MYO16: variants seen among roughly 807,000 people sequenced by gnomAD.
The protein encoded by MYO16 is myosin XVI.
A neutral mutation model predicts 205.3 loss-of-function variants in MYO16; 94 were observed. The ratio of observed to expected loss-of-function variants is 0.46; its 90% confidence interval spans 0.39 to 0.54. The LOEUF is 0.54. Among genes scored for constraint, MYO16 ranks in the 20% least tolerant of loss-of-function variants. The pLI, the probability that MYO16 is intolerant of heterozygous loss-of-function variation, is 0.00. For synonymous variants in MYO16, 988 were observed against 954.0 expected, an observed-to-expected ratio of 1.04 and a Z score of -0.66; for missense variants, 2,315 against 2,387.5, an observed-to-expected ratio of 0.97 and a Z score of 0.63.
intron 7 of MYO16, among the ~76,000 whole-genome samples, chr13:108,811,259 T>A (rs2138993850): frequency 6.6e-6 from 1 of 152,292 alleles, no homozygotes; most frequent in East Asian, 1.9e-4. Context: ...TAAGCTATAT[T>A]CAGAACTTTA....
At chr13:108,814,185 T>A (rs1269836216) in intron 7 of MYO16, among the ~76,000 whole-genome samples, 1 of 152,172 alleles carries the variant, frequency 6.6e-6, no homozygotes, top group Non-Finnish European at 1.5e-5. Context: ...TGGAGTTCTA[T>A]AAACAGCAAA....
intron 1 of MYO16, among the ~76,000 whole-genome samples, chr13:108,605,004 A>G (rs557275666): frequency 3.9e-5 from 6 of 152,306 alleles, no homozygotes; most frequent in South Asian, 2.1e-4. Flanking sequence ...ATGTGTAAAC[A>G]TTTCTACTTT....
chr13:109,181,914 G>A lies in MYO16; in HGVS notation c.5415+2281G>A, dbSNP rs544499722. 2.7e-3 allele frequency among the ~76,000 whole-genome samples: 393 copies of A among 148,190 alleles called. 2 individuals carry two copies. The highest frequency in any genetic ancestry group is 9.0e-3 in the African/African-American group (359 of 39,884). On this transcript the variant is annotated intron_variant, in intron 34 of 34. Transcript: ENST00000457511. The stretch of plus-strand genomic sequence containing the variant: ...CAGCTCACTGCAACCTCCACCTCCC[G>A]GTTCAAGTGATTCTCCTATCTCAGC...
At chr13:108,727,656 A>C in intron 4 of MYO16, 73 bp downstream of exon 4, 1 of 1,488,672 alleles carries the variant, frequency 6.7e-7, no homozygotes. Flanking sequence ...AACTAATGCT[A>C]TTTTACAATA....
At chr13:108,759,739 T>A (rs534303306) in intron 4 of MYO16, among the ~76,000 whole-genome samples, 102 of 150,334 alleles carry the variant, frequency 6.8e-4, no homozygotes, top group African/African-American at 2.5e-3. Context: ...GAGAATGGCG[T>A]GAACCCAGGA....
In MYO16 at chr13:108,997,105, A is replaced by G. The variant is rs540675464; in HGVS notation, c.2442+4657A>G. Among the ~76,000 whole-genome samples the G allele has an allele frequency of 4.6e-5, 7 of 152,216 alleles. No individual in the cohort carries two copies. In the South Asian group the frequency reaches 1.5e-3, roughly 32 times the overall value. The stretch of plus-strand genomic sequence containing the variant: ...CAGGAGTTTGAGACCAGCCTGGCCA[A>G]CATGGTGAAACCCTGTCTCCACTAA... On this transcript the variant is annotated intron_variant, in intron 21 of 34. Transcript: ENST00000457511.
At chr13:108,756,784 T>C (rs1041739502) in intron 4 of MYO16, among the ~76,000 whole-genome samples, 2 of 152,172 alleles carry the variant, frequency 1.3e-5, no homozygotes, top group Non-Finnish European at 2.9e-5. Flanking sequence ...ATTACTCTCA[T>C]AGACACAACC....
At chr13:108,830,764 A>G (rs2139040167) in intron 9 of MYO16, among the ~76,000 whole-genome samples, 1 of 152,322 alleles carries the variant, frequency 6.6e-6, no homozygotes, top group African/African-American at 2.4e-5. Context: ...GTATAATAAT[A>G]AAACGTCAGA....
intron 2 of MYO16, among the ~76,000 whole-genome samples, chr13:108,690,778 A>C (rs7996914): frequency 0.83 from 125,622 of 151,988 alleles, 52,192 homozygotes; most frequent in East Asian, 0.98. Context: ...AAGTATAAGA[A>C]TTTTCTTGTA....
At chr13:108,823,032 C>A (rs772289548) in intron 8 of MYO16, 93 bp from the exon 9 acceptor site, 26 of 1,188,312 alleles carry the variant, frequency 2.2e-5, no homozygotes, top group Non-Finnish European at 2.8e-5. Flanking sequence ...AAATTTTTAG[C>A]ATTTTAAGCA....
At position 109,048,468 on chromosome 13, in the gene MYO16, C is replaced by T. The variant is rs1887124885; in HGVS notation, c.2872+1477C>T. ...TTTTAGACCTTGTGCACCATAAGAT[C>T]CTTGTTGCAGTTACTCACCTCTGCT... On this transcript the variant is annotated intron_variant, in intron 24 of 34. Transcript: ENST00000457511. The T allele has an allele frequency of 1.3e-5, 7 of 550,104 alleles. No individual in the cohort carries two copies. In the South Asian group the frequency reaches 2.1e-4, roughly 16 times the overall value. 34.1% of individuals were successfully genotyped at this position (550,104 alleles called of 1,614,324 possible).
At chr13:108,921,746 A>C (rs1881754015) in intron 16 of MYO16, among the ~76,000 whole-genome samples, 1 of 152,206 alleles carries the variant, frequency 6.6e-6, no homozygotes. Flanking sequence ...TAAAAGCAGC[A>C]GGCTTATTAG....
At chr13:109,205,186 T>C (rs544808850) in intron 34 of MYO16, among the ~76,000 whole-genome samples, 3 of 152,350 alleles carry the variant, frequency 2.0e-5, no homozygotes, top group African/African-American at 7.2e-5. Flanking sequence ...TGGTTGTCTG[T>C]AAATTCAACT....
chr13:108,964,122 A>G (rs1047862398), intron 19 of MYO16, among the ~76,000 whole-genome samples: 12 of 152,202 alleles, frequency 7.9e-5, no homozygotes, highest in African/African-American at 2.4e-4. Flanking sequence ...GCCATAGAAT[A>G]TGAATTCTAG....
the MYO16 span, among the ~76,000 whole-genome samples, chr13:108,524,652 C>T: frequency 2.0e-5 from 3 of 152,188 alleles, no homozygotes; most frequent in African/African-American, 7.2e-5. Context: ...CCATGATCCT[C>T]TTTGAAACAC....
chr13:109,037,533 A>C (rs143804105), intron 23 of MYO16, among the ~76,000 whole-genome samples: 6 of 152,326 alleles, frequency 3.9e-5, no homozygotes, highest in African/African-American at 1.4e-4. Flanking sequence ...AAAACTCTGG[A>C]AAACGGCAAA....
At position 108,753,383 on chromosome 13, in the gene MYO16, A is replaced by AAAAAAAAAAAAAC. The variant is rs1555344224; in HGVS notation, c.507+25803_507+25815dup. Among the ~76,000 whole-genome samples the AAAAAAAAAAAAAC allele has an allele frequency of 7.7e-3, 1,131 of 147,298 alleles. 11 individuals are homozygous for AAAAAAAAAAAAAC. Among genetic ancestry groups the AAAAAAAAAAAAAC allele is most frequent in the African/African-American group, 0.029 (1,073 of 37,278 alleles). The stretch of plus-strand genomic sequence containing the variant: ...AAAACTCTGTGACAAAAAAAAAAAA[A>AAAAAAAAAAAAAC]AAAAAAAAAAAACAATAAAATATAA... On this transcript the variant is annotated intron_variant, in intron 4 of 34. Coordinates refer to ENST00000457511, the MANE Select transcript of MYO16 (RefSeq NM_001198950.3).
chr13:109,140,899 C>A lies in MYO16; in HGVS notation c.4687C>A (p.Gln1563Lys). Reference sequence around the variant, plus strand: ...GGAGGGGTCGAGCCCGCTGTCCCCGCAGTACTCCAAGAGCCAGAAGGGCGA... The same window carrying A: ...GGAGGGGTCGAGCCCGCTGTCCCCGAAGTACTCCAAGAGCCAGAAGGGCGA... ...QPEGSSPLSP[Q>K]YSKSQKGDGD... The change falls in exon 32 of 35, where the codon CAG becomes AAG. Residue 1563 changes from glutamine to lysine, a missense_variant. Around this residue, in one of 3 missense-constraint regions of MYO16, gnomAD observed 1,097 missense variants for 1,092.0 expected, o/e 1.00. Transcript: ENST00000457511. The surrounding 1 kb of genome is among the most constrained non-coding windows in gnomAD (Gnocchi z 8.0). 1 of 1,588,916 alleles carries A rather than the reference C, an allele frequency of 6.3e-7. No homozygotes were observed. The highest frequency in any genetic ancestry group is 8.5e-7 in the Non-Finnish European group (1 of 1,169,630).
At chr13:108,958,379 A>T (rs574185054) in intron 17 of MYO16, among the ~76,000 whole-genome samples, 1 of 151,838 alleles carries the variant, frequency 6.6e-6, no homozygotes, top group Non-Finnish European at 1.5e-5. Flanking sequence ...TAACATAATC[A>T]CCTTGTTAAA....
Sources: gnomAD v4.1 joint callset for allele counts (sites outside exome capture counted in the v4.1 genomes callset) on GRCh38, gnomAD v4.1.1 for gene constraint, gnomAD v4.1.1 regional missense constraint, Gnocchi (gnomAD v3.1) non-coding constraint, MANE v1.5 for transcripts, NCBI Gene and HGNC (gene_info 2026-07-23, HGNC 2026-07-21) for gene names.